CAMKMT: variants seen among roughly 807,000 people sequenced by gnomAD.
The protein encoded by CAMKMT is calmodulin-lysine N-methyltransferase, also known as CaM KMT.
In CAMKMT, 53 loss-of-function variants were observed where a neutral mutation model predicts 48.0. That is an observed-to-expected ratio of 1.10 (90% CI 0.89 to 1.39). CAMKMT has a LOEUF of 1.39. Among genes scored for constraint, CAMKMT ranks in the 40% most tolerant of loss-of-function variants. The pLI, the probability that CAMKMT is intolerant of heterozygous loss-of-function variation, is 0.00. For missense variants in CAMKMT, 428 were observed against 402.7 expected, an observed-to-expected ratio of 1.06 and a Z score of -0.54; for synonymous variants, 165 against 152.3, an observed-to-expected ratio of 1.08 and a Z score of -0.61.
chr2:44,489,571 G>T (rs543356357), intron 3 of CAMKMT, among the ~76,000 whole-genome samples: 1 of 151,980 alleles, frequency 6.6e-6, no homozygotes, highest in Non-Finnish European at 1.5e-5. Context: ...TTCTGATGTC[G>T]TGGAAGAACT....
chr2:44,725,243 G>T (rs1367765318), intron 7 of CAMKMT, among the ~76,000 whole-genome samples: 2 of 151,094 alleles, frequency 1.3e-5, no homozygotes, highest in Admixed American at 1.3e-4. Context: ...TAAGGGCATG[G>T]AATTGATTTT....
In CAMKMT at chr2:44,372,843, T is replaced by G; in HGVS notation, c.266T>G (p.Val89Gly). 1.2e-6 allele frequency: 2 copies of G among 1,613,868 alleles called. No individual in the cohort carries two copies. Among genetic ancestry groups the G allele is most frequent in the Non-Finnish European group, 1.7e-6 (2 of 1,179,886 alleles). The stretch of plus-strand genomic sequence containing the variant: ...ACTGAAGAGGAGGTTGGTGCATGGG[T>G]CCAATATACAAGCATCTTCTGTCCT... ...RETEEEVGAW[V>G]QYTSIFCPEY... Residue 89 changes from valine (V) to glycine (G), a missense_variant, in exon 2 of 11, where the codon GTC becomes GGC. Coordinates refer to ENST00000378494, the MANE Select transcript of CAMKMT (RefSeq NM_024766.5).
At chr2:44,633,611 T>A (rs912979702) in intron 3 of CAMKMT, among the ~76,000 whole-genome samples, 2 of 152,128 alleles carry the variant, frequency 1.3e-5, no homozygotes, top group African/African-American at 4.8e-5. Context: ...TTTGTTTTCT[T>A]TCTTTTTGGT....
At chr2:44,519,940 G>A (rs1050064119) in intron 3 of CAMKMT, among the ~76,000 whole-genome samples, 4 of 151,972 alleles carry the variant, frequency 2.6e-5, no homozygotes, top group Non-Finnish European at 2.9e-5. Flanking sequence ...GGCCGGGCGC[G>A]GTGGCTCATG....
At chr2:44,389,739 C>G (rs1681139701) in intron 2 of CAMKMT, among the ~76,000 whole-genome samples, 1 of 152,034 alleles carries the variant, frequency 6.6e-6, no homozygotes, top group African/African-American at 2.4e-5. Context: ...GATTAGTGGG[C>G]AAAAGATACA....
chr2:44,382,571 C>T (rs767207587), intron 2 of CAMKMT, among the ~76,000 whole-genome samples: 1 of 151,850 alleles, frequency 6.6e-6, no homozygotes, highest in Non-Finnish European at 1.5e-5. Flanking sequence ...CTCCGCCTCC[C>T]GGGTTCATGC....
At chr2:44,462,090 A>T (rs1218080906) in intron 3 of CAMKMT, among the ~76,000 whole-genome samples, 3 of 152,196 alleles carry the variant, frequency 2.0e-5, no homozygotes, top group South Asian at 4.1e-4. Context: ...TATCAAACTG[A>T]TATTAAATGA....
chr2:44,512,161 A>G (rs1297332964), intron 3 of CAMKMT, among the ~76,000 whole-genome samples: 1 of 152,182 alleles, frequency 6.6e-6, no homozygotes, highest in African/African-American at 2.4e-5. Context: ...ACCTTGCAGG[A>G]CAATATTAGC....
At chr2:44,383,503 T>C (rs1342746712) in intron 2 of CAMKMT, among the ~76,000 whole-genome samples, 1 of 152,172 alleles carries the variant, frequency 6.6e-6, no homozygotes, top group East Asian at 1.9e-4. Flanking sequence ...TTTTTTTCCA[T>C]AAGTTATTGG....
chr2:44,405,795 CAT>C (rs1210495683), intron 3 of CAMKMT, among the ~76,000 whole-genome samples: 1 of 152,068 alleles, frequency 6.6e-6, no homozygotes, highest in African/African-American at 2.4e-5. Flanking sequence ...TGGAAAGAAA[CAT>C]AAATGGATTG....
intron 3 of CAMKMT, among the ~76,000 whole-genome samples, chr2:44,487,253 A>G (rs1190626126): frequency 6.6e-6 from 1 of 152,098 alleles, no homozygotes; most frequent in East Asian, 1.9e-4. Flanking sequence ...ATGTGAAATC[A>G]GCTTTTTTTT....
intron 7 of CAMKMT, among the ~76,000 whole-genome samples, chr2:44,742,733 A>G (rs935347645): frequency 6.6e-6 from 1 of 152,234 alleles, no homozygotes; most frequent in African/African-American, 2.4e-5. Context: ...ACATTCAGAC[A>G]CATGACTTTT....
chr2:44,558,712 A>G (rs1236028081), intron 3 of CAMKMT, among the ~76,000 whole-genome samples: 2 of 152,178 alleles, frequency 1.3e-5, no homozygotes, highest in African/African-American at 4.8e-5. Context: ...GTTCTCACGT[A>G]TAACTGGGAG....
chr2:44,499,158 TATCC>T (rs1669893133), intron 3 of CAMKMT, among the ~76,000 whole-genome samples: 1 of 152,242 alleles, frequency 6.6e-6, no homozygotes, highest in South Asian at 2.1e-4. Context: ...TCTAATCATT[TATCC>T]TCAAGAATAG....
intron 3 of CAMKMT, among the ~76,000 whole-genome samples, chr2:44,542,533 ACACACTCTCTCT>A (rs1426433693): frequency 8.0e-5 from 5 of 62,442 alleles, no homozygotes; most frequent in East Asian, 7.4e-4. Flanking sequence ...ACACACACAC[ACACACTCTCTCT>A]CTCTCTCTCT....
chr2:44,491,268 G>C (rs1266770516), intron 3 of CAMKMT, among the ~76,000 whole-genome samples: 6 of 152,148 alleles, frequency 3.9e-5, no homozygotes, highest in Admixed American at 6.5e-5. Context: ...GGAGGGGATA[G>C]AAGAGGTGGT....
chr2:44,417,856 G>C (rs1329877698), intron 3 of CAMKMT, among the ~76,000 whole-genome samples: 1 of 152,138 alleles, frequency 6.6e-6, no homozygotes, highest in Non-Finnish European at 1.5e-5. Context: ...CATCTGTGAA[G>C]TGTATGTCAA....
At chr2:44,521,363 C>G (rs1671100205) in intron 3 of CAMKMT, among the ~76,000 whole-genome samples, 1 of 152,102 alleles carries the variant, frequency 6.6e-6, no homozygotes, top group Non-Finnish European at 1.5e-5. Context: ...ACTGCAACCT[C>G]TGCCTCCCAG....
intron 3 of CAMKMT, among the ~76,000 whole-genome samples, chr2:44,592,046 C>T (rs1465813105): frequency 6.7e-6 from 1 of 148,204 alleles, no homozygotes; most frequent in African/African-American, 2.5e-5. Context: ...GGGAACATCA[C>T]ACTCTGGGGA....
Sources: allele counts gnomAD v4.1 joint callset (sites outside exome capture counted in the v4.1 genomes callset), GRCh38; gene constraint gnomAD v4.1.1; transcripts MANE v1.5; gene names NCBI Gene and HGNC (gene_info 2026-07-23, HGNC 2026-07-21).